The following MCM3AP variants were observed in gnomAD, a reference collection of about 807,000 sequenced individuals.
MCM3AP encodes germinal-center associated nuclear protein.
MCM3AP carries 126 observed loss-of-function variants against 184.1 expected under a neutral mutation model. The ratio of observed to expected loss-of-function variants is 0.68; its 90% CI spans 0.59 to 0.79. The LOEUF (loss-of-function observed/expected upper bound fraction) is 0.79, where lower values mean the gene tolerates loss of function less well. Ranked by LOEUF, MCM3AP falls within the 30% of genes least tolerant of loss-of-function variation. The pLI is 0.00. For missense variants in MCM3AP, 2,496 were observed against 2,479.2 expected (o/e 1.01, Z -0.14); for synonymous variants, 1,002 against 979.3 (o/e 1.02, Z -0.43).
intron 1 of MCM3AP, 40 bp downstream of exon 1, chr21:46,284,028 C>T: frequency 1.3e-6 from 2 of 1,579,164 alleles, no homozygotes; most frequent in Middle Eastern, 1.8e-4. Flanking sequence ...GAAAACCTGC[C>T]TGCAGGATTT....
At chr21:46,279,725 C>T (rs1253318066) in intron 4 of MCM3AP, among the ~76,000 whole-genome samples, 2 of 152,226 alleles carry the variant, frequency 1.3e-5, no homozygotes, top group African/African-American at 4.8e-5. Flanking sequence ...AGAATCACTG[C>T]TCTCCACCAT....
intron 5 of MCM3AP, among the ~76,000 whole-genome samples, chr21:46,276,669 G>C (rs988180336): frequency 6.6e-6 from 1 of 151,934 alleles, no homozygotes; most frequent in Non-Finnish European, 1.5e-5. Flanking sequence ...TCGAACTCCT[G>C]ACCTCAGGTG....
At position 46,275,391 on chromosome 21, in the gene MCM3AP, T is replaced by A. The variant is rs904127140; in HGVS notation, c.1859-66A>T. On this transcript the variant is annotated intron_variant, in intron 5 of 27. Transcript: ENST00000291688. ...TTAGCACGAACCTACAGAAGTGTAT[T>A]CTCATAATGATAAAAAGAAATTAAA... The A allele has an allele frequency of 2.2e-5, 29 of 1,335,592 alleles. No individual in the cohort carries two copies. In the African/African-American group the frequency reaches 3.2e-4, roughly 15 times the overall value. 82.7% of individuals were successfully genotyped at this position (1,335,592 alleles called of 1,614,324 possible).
intron 14 of MCM3AP, 39 bp downstream of exon 14, chr21:46,261,241 T>C (rs544583398): frequency 6.2e-7 from 1 of 1,605,602 alleles, no homozygotes; most frequent in Admixed American, 1.7e-5. Context: ...GTGTCCACAC[T>C]GAGCTCCTTA....
intron 5 of MCM3AP, among the ~76,000 whole-genome samples, chr21:46,277,197 T>C (rs2081266963): frequency 6.6e-6 from 1 of 152,228 alleles, no homozygotes; most frequent in Admixed American, 6.5e-5. Context: ...ATTGTAACAG[T>C]GTAAGAATGC....
intron 17 of MCM3AP, among the ~76,000 whole-genome samples, chr21:46,255,368 G>A (rs1002034389): frequency 2.0e-5 from 3 of 152,160 alleles, no homozygotes; most frequent in Non-Finnish European, 4.4e-5. Flanking sequence ...GAGACTCGGG[G>A]AGCGCTAGGG....
chr21:46,256,520 G>A (rs2080951661), intron 17 of MCM3AP: 1 of 511,002 alleles, frequency 2.0e-6, no homozygotes. Context: ...AACACGTGAT[G>A]CAGAGTCAGA....
At chr21:46,243,298 C>T in intron 24 of MCM3AP, 167 bp downstream of exon 24, 1 of 862,534 alleles carries the variant, frequency 1.2e-6, no homozygotes, top group Non-Finnish European at 1.8e-6. Flanking sequence ...ACTTCCTAGC[C>T]TGTCTCAATG....
Position 46,240,825 on chromosome 21 carries a change from T to G in MCM3AP, c.5619A>C (p.Lys1873Asn). 1 of 1,614,152 alleles carries G rather than the reference T, an allele frequency of 6.2e-7. No homozygotes were observed. The highest frequency in any genetic ancestry group is 8.5e-7 in the Non-Finnish European group (1 of 1,180,024). The change falls in exon 26 of 28, where the codon AAA (lysine) becomes AAC (asparagine). Residue 1873 changes from lysine to asparagine, a missense_variant. This residue lies in a region of MCM3AP where 1,323 missense variants were observed against 1,273.4 expected (regional missense o/e 1.04). Coordinates refer to ENST00000291688, the MANE Select transcript of MCM3AP (RefSeq NM_003906.5). ...GTGGGCTTCACCTCTTGTTCTCTTC[T>G]TTCTCCAGCAGCAGACTGCTCGACA... Reference protein sequence around the residue: ...QCLSSSLLLEKEENKRFEDQL... With the variant: ...QCLSSSLLLENEENKRFEDQL...
rs1380907825 is a variant in MCM3AP at position 46,251,887 on chromosome 21, T to TC, written c.4137-206_4137-205insG. 47 of 349,526 alleles carry TC rather than the reference T, an allele frequency of 1.3e-4. No homozygotes were observed. In the East Asian group the frequency reaches 2.0e-3, roughly 15 times the overall value. 21.7% of individuals were successfully genotyped at this position (349,526 alleles called of 1,614,324 possible). ...GCAACGATCTGTACTCGTTCTTTTT[T>TC]TTTTTTTTTTTTTTTTGAGCCAGGG... On this transcript the variant is annotated intron_variant, in intron 19 of 27. Transcript: ENST00000291688.
At chr21:46,254,951 A>C in intron 17 of MCM3AP, 107 bp from the exon 18 acceptor site, 2 of 784,024 alleles carry the variant, frequency 2.6e-6, no homozygotes, top group South Asian at 2.8e-5. Context: ...ATTTTCTGCC[A>C]ATGAAACGGG....
chr21:46,275,569 C>G (rs1213597647), intron 5 of MCM3AP, among the ~76,000 whole-genome samples: 1 of 151,998 alleles, frequency 6.6e-6, no homozygotes, highest in African/African-American at 2.4e-5. Flanking sequence ...AGTCACAGAC[C>G]CTCACTGCAG....
intron 13 of MCM3AP, among the ~76,000 whole-genome samples, chr21:46,263,287 G>A (rs2081065308): frequency 6.6e-6 from 1 of 152,002 alleles, no homozygotes; most frequent in Non-Finnish European, 1.5e-5. Flanking sequence ...CCAAGATTGT[G>A]CCACTGCACT....
chr21:46,264,331 T>C, intron 12 of MCM3AP, 114 bp from the exon 13 acceptor site: 1 of 645,670 alleles, frequency 1.5e-6, no homozygotes, highest in Non-Finnish European at 2.7e-6. Context: ...GCACAACCCC[T>C]GACACGGGGT....
intron 20 of MCM3AP, 58 bp downstream of exon 20, chr21:46,251,471 T>A: frequency 1.4e-6 from 2 of 1,431,502 alleles, no homozygotes; most frequent in Non-Finnish European, 1.9e-6. Flanking sequence ...CAGTGATATC[T>A]GGGAGTAAGT....
At chr21:46,248,616 G>GA (rs61450735) in intron 20 of MCM3AP, among the ~76,000 whole-genome samples, 6,639 of 127,952 alleles carry the variant, frequency 0.052, 349 homozygotes, top group African/African-American at 0.14. Flanking sequence ...TAACAGAGAG[G>GA]AAAAAAAAAA....
At chr21:46,269,712 G>A (rs1395185185) in intron 9 of MCM3AP, among the ~76,000 whole-genome samples, 1 of 152,176 alleles carries the variant, frequency 6.6e-6, no homozygotes, top group Non-Finnish European at 1.5e-5. Context: ...CCTTGGAGCC[G>A]CTGCCAGAAT....
Position 46,284,572 on chromosome 21 carries a change from T to G in MCM3AP, c.715A>C (p.Lys239Gln). 1 of 1,614,220 alleles carries G rather than the reference T, an allele frequency of 6.2e-7. No homozygotes were observed. The highest frequency in any genetic ancestry group is 8.5e-7 in the Non-Finnish European group (1 of 1,180,032). The stretch of plus-strand genomic sequence containing the variant: ...TTATTAGAACTTCCAAATATTGACT[T>G]AGGTCCTCTCTTCTCTTCCTCTACA... ...QNVEEEKRGP[K>Q]SIFGSSNNSF... Residue 239 changes from lysine to glutamine, a missense_variant, in exon 1 of 28, where the codon AAG becomes CAG. By Grantham distance (53) the Lys-to-Gln change is moderately conservative. Around this residue, in one of 5 missense-constraint regions of MCM3AP, gnomAD observed 800 missense variants for 717.1 expected, o/e 1.12. Coordinates refer to ENST00000291688, the MANE Select transcript of MCM3AP (RefSeq NM_003906.5).
At chr21:46,246,515 G>A in intron 21 of MCM3AP, 111 bp from the exon 22 acceptor site, 3 of 1,463,852 alleles carry the variant, frequency 2.0e-6, no homozygotes, top group South Asian at 2.3e-5. Flanking sequence ...TCACCACAGG[G>A]GTTGCTGTCT....
Sources: allele counts gnomAD v4.1 joint callset (sites outside exome capture counted in the v4.1 genomes callset), GRCh38; gene constraint gnomAD v4.1.1; regional missense constraint gnomAD v4.1.1; transcripts MANE v1.5; gene names NCBI Gene and HGNC (gene_info 2026-07-23, HGNC 2026-07-21).